The following DLGAP2 variants were observed in gnomAD, a reference collection of about 807,000 sequenced individuals.
DLGAP2 encodes DLG associated protein 2.
Under a neutral mutation model 100.3 loss-of-function variants are expected in DLGAP2, and 26 were observed. The ratio of observed to expected loss-of-function variants is 0.26; its 90% CI spans 0.19 to 0.36. DLGAP2 has a LOEUF of 0.36. DLGAP2 is among the 10% of genes least tolerant of loss of function. DLGAP2 has a pLI of 1.00. For synonymous variants in DLGAP2, 886 were observed against 630.1 expected, an observed-to-expected ratio of 1.41 and a Z score of -6.08; for missense variants, 1,858 against 1,453.2, an observed-to-expected ratio of 1.28 and a Z score of -4.53.
Position 1,317,302 on chromosome 8 carries a change from T to G in DLGAP2, c.106+58419T>G, listed in dbSNP as rs368158859. On this transcript the variant is annotated intron_variant, in intron 3 of 14. Coordinates refer to ENST00000637795, the MANE Select transcript of DLGAP2 (RefSeq NM_001346810.2). ...GTCTACACTCGAGAAACTCGGCAGC[T>G]TTTAAAAATAGAGGCTGTGCGAGTG... Among the ~76,000 whole-genome samples, 563 of 102,166 alleles carry G rather than the reference T, an allele frequency of 5.5e-3. 3 individuals carry two copies. Among genetic ancestry groups the G allele is most frequent in the Middle Eastern group, 0.024 (2 of 82 alleles). 67.0% of individuals were successfully genotyped at this position (102,166 alleles called of 152,430 possible).
intron 2 of DLGAP2, among the ~76,000 whole-genome samples, chr8:1,101,925 A>C (rs529367548): frequency 1.3e-5 from 2 of 151,940 alleles, no homozygotes; most frequent in Non-Finnish European, 2.9e-5. Context: ...CCTTGTCACC[A>C]CTGAGGCAAA....
At chr8:758,556 A>T (rs947015196) in intron 1 of DLGAP2, among the ~76,000 whole-genome samples, 1 of 151,996 alleles carries the variant, frequency 6.6e-6, no homozygotes, top group Non-Finnish European at 1.5e-5. Context: ...ACTGTTAAAG[A>T]CTTCCTTTTC....
At chr8:1,158,510 G>C (rs552684094) in intron 2 of DLGAP2, among the ~76,000 whole-genome samples, 21 of 152,340 alleles carry the variant, frequency 1.4e-4, no homozygotes, top group African/African-American at 4.3e-4. Flanking sequence ...TACCTTTCCA[G>C]TGGTGTGTAT....
At chr8:1,613,619 A>C (rs1158370922) in intron 6 of DLGAP2, among the ~76,000 whole-genome samples, 4 of 152,216 alleles carry the variant, frequency 2.6e-5, no homozygotes, top group African/African-American at 4.8e-5. Context: ...CCATGAGGAC[A>C]AGGGCGATGC....
At chr8:978,512 C>T (rs57434686) in intron 2 of DLGAP2, among the ~76,000 whole-genome samples, 1,953 of 31,000 alleles carry the variant, frequency 0.063, no homozygotes, top group Middle Eastern at 0.16. Context: ...TCTTTGGTGA[C>T]GTGGGGAGGG....
At chr8:1,130,856 G>T (rs912622644) in intron 2 of DLGAP2, among the ~76,000 whole-genome samples, 7 of 140,044 alleles carry the variant, frequency 5.0e-5, no homozygotes, top group Non-Finnish European at 3.2e-5. Flanking sequence ...GAGGGGAAGG[G>T]TGGCCTCTCT....
intron 2 of DLGAP2, among the ~76,000 whole-genome samples, chr8:1,087,897 C>T (rs1452906520): frequency 1.3e-5 from 2 of 152,266 alleles, no homozygotes; most frequent in Admixed American, 1.3e-4. Context: ...TCTCCACATC[C>T]ATGTCACCAG....
chr8:743,178 T>C (rs969997736), intron 1 of DLGAP2, among the ~76,000 whole-genome samples: 1 of 152,044 alleles, frequency 6.6e-6, no homozygotes, highest in Non-Finnish European at 1.5e-5. Context: ...AATTAGAAAA[T>C]AGAAATAGAA....
At chr8:844,408 G>C (rs893946616) in intron 1 of DLGAP2, among the ~76,000 whole-genome samples, 9 of 152,146 alleles carry the variant, frequency 5.9e-5, no homozygotes, top group Non-Finnish European at 1.0e-4. Flanking sequence ...ATTGGTAGAC[G>C]ACAGTCTCGA....
chr8:1,274,579 T>G (rs1488839702), intron 3 of DLGAP2, among the ~76,000 whole-genome samples: 1 of 151,764 alleles, frequency 6.6e-6, no homozygotes, highest in Admixed American at 6.6e-5. Context: ...ATGAGTGACT[T>G]TGGATTTGTT....
rs1049604373 is a variant in DLGAP2, at chr8:1,281,820, C to T, written c.106+22937C>T. Reference sequence around the variant, plus strand: ...CGGTCCCACCCCACCAGCCTTTGATCTGCAACGTTTGATTTGCGACGTGGC... The same window carrying T: ...CGGTCCCACCCCACCAGCCTTTGATTTGCAACGTTTGATTTGCGACGTGGC... On this transcript the variant is annotated intron_variant, in intron 3 of 14. Transcript: ENST00000637795. Among the ~76,000 whole-genome samples the T allele has an allele frequency of 3.3e-5, 5 of 152,326 alleles. No individual in the cohort carries two copies. The East Asian group carries it at 7.7e-4, about 24-fold the overall frequency.
chr8:1,484,649 C>A (rs1198085693), intron 3 of DLGAP2, among the ~76,000 whole-genome samples: 2 of 152,244 alleles, frequency 1.3e-5, no homozygotes, highest in African/African-American at 4.8e-5. Context: ...ACAGGAATTT[C>A]TGGTGAAAGT....
In DLGAP2 at chr8:938,324, G is replaced by A. The variant is rs529148409; in HGVS notation, c.73+30358G>A. Reference sequence around the variant, plus strand: ...GCGATCCTCCTTCCTCCGTCTCTGGGTAGCTAGGACTACAGGTATGCGCCA... The same window carrying A: ...GCGATCCTCCTTCCTCCGTCTCTGGATAGCTAGGACTACAGGTATGCGCCA... On this transcript the variant is annotated intron_variant, in intron 2 of 14. Coordinates refer to ENST00000637795, the MANE Select transcript of DLGAP2 (RefSeq NM_001346810.2). Among the ~76,000 whole-genome samples the A allele has an allele frequency of 9.3e-4, 141 of 152,216 alleles. 2 individuals carry two copies. In the South Asian group the frequency reaches 9.5e-3, roughly 10 times the overall value.
intron 1 of DLGAP2, among the ~76,000 whole-genome samples, chr8:799,746 G>A (rs1049998218): frequency 6.6e-6 from 1 of 152,030 alleles, no homozygotes; most frequent in Admixed American, 6.6e-5. Context: ...ATGGGTGCAC[G>A]CCCCCACATC....
At chr8:1,543,504 C>T (rs1278071230) in intron 4 of DLGAP2, among the ~76,000 whole-genome samples, 1 of 152,206 alleles carries the variant, frequency 6.6e-6, no homozygotes, top group Non-Finnish European at 1.5e-5. Flanking sequence ...TGTGCAGGTG[C>T]ATGTCTGGAC....
intron 3 of DLGAP2, among the ~76,000 whole-genome samples, chr8:1,435,629 T>G (rs1797597053): frequency 6.6e-6 from 1 of 151,744 alleles, no homozygotes; most frequent in African/African-American, 2.4e-5. Flanking sequence ...TATTTTAGAG[T>G]GCGCTCCTTC....
intron 2 of DLGAP2, among the ~76,000 whole-genome samples, chr8:941,380 C>G (rs1046205275): frequency 6.6e-6 from 1 of 152,144 alleles, no homozygotes; most frequent in Non-Finnish European, 1.5e-5. Flanking sequence ...CCAAGCAAGG[C>G]TCCCCCATGC....
chr8:1,167,102 C>T (rs1327243740), intron 2 of DLGAP2, among the ~76,000 whole-genome samples: 1 of 151,990 alleles, frequency 6.6e-6, no homozygotes, highest in Admixed American at 6.6e-5. Context: ...TATCACTGTA[C>T]TCTAGCCTGG....
chr8:1,620,759 G>T (rs895695290), intron 6 of DLGAP2, among the ~76,000 whole-genome samples: 1 of 152,072 alleles, frequency 6.6e-6, no homozygotes, highest in African/African-American at 2.4e-5. Flanking sequence ...CTGCATTCAG[G>T]CACCTCGTCC....
Sources: allele counts gnomAD v4.1 joint callset (sites outside exome capture counted in the v4.1 genomes callset), GRCh38; gene constraint gnomAD v4.1.1; transcripts MANE v1.5; gene names NCBI Gene and HGNC (gene_info 2026-07-23, HGNC 2026-07-21).